The following FSTL5 variants were observed in gnomAD, a reference collection of about 807,000 sequenced individuals.
The protein encoded by FSTL5 is follistatin-related protein 5.
In FSTL5, 62 loss-of-function variants were observed where a neutral mutation model predicts 89.1. The observed-to-expected ratio is 0.70, with a 90% CI of 0.57 to 0.86. FSTL5 has a LOEUF of 0.86. FSTL5 is among the 40% of genes least tolerant of loss of function. The probability of loss-of-function intolerance (pLI) is 0.00; values close to 1 mark genes in which losing one functional copy is unlikely to be tolerated. For synonymous variants in FSTL5, 383 were observed against 346.2 expected, an observed-to-expected ratio of 1.11 and a Z score of -1.18; for missense variants, 1,057 against 1,001.6, an observed-to-expected ratio of 1.06 and a Z score of -0.75.
intron 3 of FSTL5, among the ~76,000 whole-genome samples, chr4:161,987,585 T>C (rs1253237283): frequency 6.1e-5 from 9 of 147,398 alleles, no homozygotes; most frequent in African/African-American, 2.0e-4. Context: ...TAAAGAAATA[T>C]ATAATAAAAT....
At chr4:161,447,786 G>A (rs191816477) in intron 15 of FSTL5, among the ~76,000 whole-genome samples, 17 of 152,210 alleles carry the variant, frequency 1.1e-4, no homozygotes, top group Admixed American at 3.9e-4. Context: ...TTTATGTTAC[G>A]TAGATGAAGC....
intron 4 of FSTL5, among the ~76,000 whole-genome samples, chr4:161,789,941 T>C (rs1729402179): frequency 6.6e-6 from 1 of 152,210 alleles, no homozygotes; most frequent in African/African-American, 2.4e-5. Context: ...CATTCTTTAT[T>C]GCTACACAAA....
intron 2 of FSTL5, among the ~76,000 whole-genome samples, chr4:162,040,569 C>T (rs369831649): frequency 2.0e-5 from 3 of 151,686 alleles, no homozygotes; most frequent in Non-Finnish European, 4.4e-5. Flanking sequence ...GAAAAAAATG[C>T]CTGAAAAATA....
chr4:161,430,497 T>G (rs1391218998), intron 15 of FSTL5, among the ~76,000 whole-genome samples: 1 of 152,160 alleles, frequency 6.6e-6, no homozygotes, highest in Non-Finnish European at 1.5e-5. Context: ...TCCCAGCACT[T>G]TGGGAGGCCG....
intron 5 of FSTL5, 89 bp downstream of exon 5, chr4:161,775,789 T>C: frequency 3.0e-6 from 2 of 675,164 alleles, no homozygotes; most frequent in Admixed American, 6.4e-5. Context: ...CAAATATACA[T>C]TTTTTCATTA....
intron 2 of FSTL5, among the ~76,000 whole-genome samples, chr4:162,041,118 A>G (rs1453429944): frequency 6.6e-6 from 1 of 150,534 alleles, no homozygotes; most frequent in Non-Finnish European, 1.5e-5. Context: ...TCCAGAGAGG[A>G]ATGCAGGCTT....
chr4:161,703,702 G>A (rs1475515447), intron 6 of FSTL5, among the ~76,000 whole-genome samples: 1 of 152,072 alleles, frequency 6.6e-6, no homozygotes, highest in East Asian at 1.9e-4. Flanking sequence ...ACATATAGGA[G>A]AAGTGATATA....
intron 15 of FSTL5, among the ~76,000 whole-genome samples, chr4:161,441,731 T>A (rs1247711699): frequency 6.6e-6 from 1 of 152,088 alleles, no homozygotes; most frequent in Non-Finnish European, 1.5e-5. Flanking sequence ...GGTTCAAGGT[T>A]TTTTGAATCA....
chr4:161,701,723 A>C (rs946425248), intron 6 of FSTL5, among the ~76,000 whole-genome samples: 1 of 152,160 alleles, frequency 6.6e-6, no homozygotes, highest in African/African-American at 2.4e-5. Flanking sequence ...TCAAAAGTAC[A>C]TGTAGTTAGA....
At chr4:161,445,697 C>T (rs1488364521) in intron 15 of FSTL5, among the ~76,000 whole-genome samples, 6 of 151,930 alleles carry the variant, frequency 3.9e-5, no homozygotes, top group Admixed American at 6.6e-5. Context: ...TGACAGATGA[C>T]AATTTAGATA....
At chr4:161,429,105 G>A (rs1036962745) in intron 15 of FSTL5, among the ~76,000 whole-genome samples, 11 of 152,048 alleles carry the variant, frequency 7.2e-5, no homozygotes, top group South Asian at 4.1e-4. Flanking sequence ...GGGGCAGTGG[G>A]GACCACAAGG....
intron 6 of FSTL5, among the ~76,000 whole-genome samples, chr4:161,707,326 T>C (rs1738617503): frequency 6.6e-6 from 1 of 151,884 alleles, no homozygotes; most frequent in South Asian, 2.1e-4. Context: ...ATATGCACTA[T>C]TGAGAAACTA....
chr4:161,491,540 A>G (rs912578506), intron 12 of FSTL5, among the ~76,000 whole-genome samples: 31 of 151,920 alleles, frequency 2.0e-4, no homozygotes, highest in African/African-American at 7.5e-4. Context: ...AAGCAATAAC[A>G]CTTAGGAGAC....
chr4:161,561,193 T>TGATAGATAGATA (rs35910528), intron 8 of FSTL5, among the ~76,000 whole-genome samples: 20 of 150,442 alleles, frequency 1.3e-4, no homozygotes, highest in African/African-American at 4.6e-4. Flanking sequence ...GTATTTTAGA[T>TGATAGATAGATA]GATAGATAGA....
intron 3 of FSTL5, among the ~76,000 whole-genome samples, chr4:162,014,685 A>G (rs1307865927): frequency 6.6e-6 from 1 of 152,144 alleles, no homozygotes. Flanking sequence ...GGTGAACATG[A>G]TTTGTTTGAA....
intron 10 of FSTL5, among the ~76,000 whole-genome samples, chr4:161,524,794 C>T (rs1160666778): frequency 6.6e-6 from 1 of 151,950 alleles, no homozygotes; most frequent in Non-Finnish European, 1.5e-5. Context: ...CTTGTCTCTA[C>T]TAAAAATACA....
chr4:161,670,191 T>C (rs1488845801), intron 6 of FSTL5, among the ~76,000 whole-genome samples: 1 of 152,202 alleles, frequency 6.6e-6, no homozygotes, highest in Admixed American at 6.5e-5. Context: ...AAATTGCATA[T>C]ACATATGAAG....
intron 11 of FSTL5, among the ~76,000 whole-genome samples, chr4:161,504,653 A>C (rs1308303882): frequency 1.3e-5 from 2 of 151,928 alleles, no homozygotes; most frequent in African/African-American, 4.8e-5. Context: ...AGACATAAGC[A>C]AGAATTACTC....
intron 7 of FSTL5, among the ~76,000 whole-genome samples, chr4:161,591,159 C>T (rs909288688): frequency 6.6e-6 from 1 of 152,098 alleles, no homozygotes; most frequent in Admixed American, 6.5e-5. Context: ...AGCCTTAGGG[C>T]CTTTGCATGA....
Sources: gnomAD v4.1 joint callset for allele counts (sites outside exome capture counted in the v4.1 genomes callset) on GRCh38, gnomAD v4.1.1 for gene constraint, MANE v1.5 for transcripts, NCBI Gene and HGNC (gene_info 2026-07-23, HGNC 2026-07-21) for gene names.